Variants in DBX2 observed in about 807,000 individuals in gnomAD.
DBX2 encodes the protein homeobox protein DBX2.
A neutral mutation model predicts 17.7 loss-of-function variants in DBX2; 16 were observed. The observed-to-expected ratio is 0.90, with a 90% confidence interval of 0.61 to 1.37. The LOEUF (loss-of-function observed/expected upper bound fraction) is 1.37, where lower values mean the gene tolerates loss of function less well. Among genes scored for constraint, DBX2 ranks in the 40% most tolerant of loss-of-function variants. The pLI, the probability that DBX2 is intolerant of heterozygous loss-of-function variation, is 0.00. For synonymous variants in DBX2, 255 were observed against 183.8 expected (o/e 1.39, Z -3.13); for missense variants, 538 against 433.8 (o/e 1.24, Z -2.13).
At chr12:45,049,890 C>T (rs1946519767) in intron 1 of DBX2, among the ~76,000 whole-genome samples, 1 of 152,194 alleles carries the variant, frequency 6.6e-6, no homozygotes, top group Non-Finnish European at 1.5e-5. Context: ...CTTCCTACTC[C>T]AGTTGCCAAT....
At chr12:45,032,591 A>G (rs1946416111) in intron 2 of DBX2, among the ~76,000 whole-genome samples, 1 of 152,230 alleles carries the variant, frequency 6.6e-6, no homozygotes, top group Non-Finnish European at 1.5e-5. Flanking sequence ...TAAAAATTCA[A>G]ACTTGGAGAG....
chr12:45,043,900 C>T (rs1946485191), intron 1 of DBX2, among the ~76,000 whole-genome samples: 1 of 152,132 alleles, frequency 6.6e-6, no homozygotes, highest in African/African-American at 2.4e-5. Context: ...GACTCTACCA[C>T]TGTTCACATT....
At chr12:45,023,986 C>T (rs1395669927) in intron 2 of DBX2, 92 bp from the exon 3 acceptor site, 2 of 1,278,746 alleles carry the variant, frequency 1.6e-6, no homozygotes, top group East Asian at 2.7e-5. Flanking sequence ...CTACTTTGTA[C>T]TATGGCCAAA....
chr12:45,035,303 C>T (rs1305705998), intron 2 of DBX2, among the ~76,000 whole-genome samples: 1 of 152,214 alleles, frequency 6.6e-6, no homozygotes, highest in Non-Finnish European at 1.5e-5. Flanking sequence ...GACCTCTTTA[C>T]CATAAACTCA....
chr12:45,020,047 C>T lies in DBX2; in HGVS notation c.688-3429G>A, dbSNP rs74080405. Among the ~76,000 whole-genome samples, 1,086 of 152,120 alleles carry T rather than the reference C, an allele frequency of 7.1e-3. 10 individuals are homozygous for T. The highest frequency in any genetic ancestry group is 0.025 in the African/African-American group (1,031 of 41,496). ...TAAATTTGTTAATAGCTTTATTGAGCCTATAATTCACATACCATACAATTC... is the reference window on the plus strand; with the variant it reads ...TAAATTTGTTAATAGCTTTATTGAGTCTATAATTCACATACCATACAATTC... On this transcript the variant is annotated intron_variant, in intron 3 of 3. Transcript: ENST00000332700.
At chr12:45,029,947 A>C (rs1946400725) in intron 2 of DBX2, among the ~76,000 whole-genome samples, 1 of 151,984 alleles carries the variant, frequency 6.6e-6, no homozygotes, top group African/African-American at 2.4e-5. Context: ...AAAACTTTTC[A>C]AAGTCATGAT....
intron 1 of DBX2, among the ~76,000 whole-genome samples, chr12:45,039,168 C>G (rs1288515277): frequency 2.1e-5 from 3 of 142,278 alleles, no homozygotes; most frequent in African/African-American, 7.7e-5. Context: ...TTTTTTTTTA[C>G]ATGTTCCTAT....
At chr12:45,019,168 A>T (rs1946338268) in intron 3 of DBX2, among the ~76,000 whole-genome samples, 1 of 151,822 alleles carries the variant, frequency 6.6e-6, no homozygotes, top group African/African-American at 2.4e-5. Context: ...TTACCTCAAT[A>T]AAAAAAAGCC....
intron 2 of DBX2, among the ~76,000 whole-genome samples, chr12:45,035,817 G>A (rs1565584270): frequency 6.6e-6 from 1 of 152,098 alleles, no homozygotes; most frequent in Non-Finnish European, 1.5e-5. Context: ...GGGTTTCAAT[G>A]CCATTAGAAC....
chr12:45,051,014 C>G lies in DBX2; in HGVS notation c.-87G>C, dbSNP rs1946531390. On this transcript the variant is annotated 5_prime_UTR_variant, in exon 1 of 4. Transcript: ENST00000332700. ...CGCACCGCACCCAGAGCCGCAGCTT[C>G]TCGCCGCCGCCTCCCGCAGGGCTGG... 6.1e-6 allele frequency: 8 copies of G among 1,304,436 alleles called. No individual in the cohort carries two copies. In the East Asian group the frequency reaches 9.6e-5, roughly 16 times the overall value. The allele number at this position is 1,304,436 out of a possible 1,614,324, so 80.8% of individuals were successfully genotyped here.
intron 3 of DBX2, 74 bp from the exon 4 acceptor site, chr12:45,016,692 G>C: frequency 7.0e-7 from 1 of 1,421,072 alleles, no homozygotes; most frequent in African/African-American, 1.4e-5. Context: ...AACTGTAATT[G>C]CTTCTACTAT....
In DBX2 at chr12:45,016,369, C is replaced by A. The variant is rs1946323291; in HGVS notation, c.937G>T (p.Glu313Ter). 11 of 1,613,442 alleles carry A rather than the reference C, an allele frequency of 6.8e-6. No homozygotes were observed. The highest frequency in any genetic ancestry group is 6.7e-5 in the African/African-American group (5 of 75,018). The change falls in exon 4 of 4, where the codon GAA (glutamate) becomes TAA (stop). Residue 313 changes from glutamate to a stop codon, truncating the protein, a stop_gained. Coordinates refer to ENST00000332700, the MANE Select transcript of DBX2 (RefSeq NM_001004329.3). LOFTEE classifies it low-confidence loss of function (END_TRUNC). ...IQESSGAPPP[E>*]ANSLQGALYL... ...AAGGCACCTTGCAGTGAATTTGCTT[C>A]TGGGGGTGGTGCCCCTGAACTCTCC...
chr12:45,050,828 G>C lies in DBX2; in HGVS notation c.100C>G (p.Leu34Val), dbSNP rs1478455599. The change falls in exon 1 of 4, where the codon CTG becomes GTG. Residue 34 changes from leucine to valine, a missense_variant. By Grantham distance (32) the Leu-to-Val change is conservative. Transcript: ENST00000332700. The stretch of plus-strand genomic sequence containing the variant: ...TTCTCGATCAGGAAACTCTTGCCCA[G>C]GTTGCCAAAGCCGGGCGCAGCGGGG... ...NLPAAPGFGN[L>V]GKSFLIENLL... 4 of 1,539,492 alleles carry C rather than the reference G, an allele frequency of 2.6e-6. No homozygotes were observed. Among genetic ancestry groups the C allele is most frequent in the African/African-American group, 2.8e-5 (2 of 70,364 alleles).
chr12:45,034,139 C>T (rs1263031680), intron 2 of DBX2, among the ~76,000 whole-genome samples: 1 of 151,578 alleles, frequency 6.6e-6, no homozygotes, highest in African/African-American at 2.4e-5. Context: ...CACACACACA[C>T]ACACGCACAT....
chr12:45,016,838 C>T (rs543776870), intron 3 of DBX2, among the ~76,000 whole-genome samples: 2 of 152,080 alleles, frequency 1.3e-5, no homozygotes, highest in Non-Finnish European at 2.9e-5. Context: ...CTCTCTGTCA[C>T]CCTGGTGCAA....
intron 3 of DBX2, among the ~76,000 whole-genome samples, chr12:45,021,073 C>G (rs893463239): frequency 2.6e-5 from 4 of 151,958 alleles, no homozygotes; most frequent in Non-Finnish European, 5.9e-5. Flanking sequence ...TTCTGAGATG[C>G]TGTAACTGAT....
chr12:45,037,370 A>C (rs969747244), intron 1 of DBX2, among the ~76,000 whole-genome samples: 1 of 152,140 alleles, frequency 6.6e-6, no homozygotes, highest in South Asian at 2.1e-4. Context: ...ACAGTCAAAA[A>C]ATTTTTTAGT....
intron 3 of DBX2, among the ~76,000 whole-genome samples, chr12:45,022,540 A>G (rs1056020515): frequency 1.3e-4 from 20 of 151,854 alleles, no homozygotes; most frequent in African/African-American, 4.8e-4. Context: ...TCCTGACCTC[A>G]TGATCCGCCC....
chr12:45,048,499 G>A (rs1009169545), intron 1 of DBX2, among the ~76,000 whole-genome samples: 6 of 152,018 alleles, frequency 3.9e-5, no homozygotes, highest in Non-Finnish European at 7.4e-5. Context: ...AAAATTGTTG[G>A]CAGTCCATTA....
Sources: gnomAD v4.1 joint callset for allele counts (sites outside exome capture counted in the v4.1 genomes callset) on GRCh38, gnomAD v4.1.1 for gene constraint, MANE v1.5 for transcripts, NCBI Gene and HGNC (gene_info 2026-07-23, HGNC 2026-07-21) for gene names.